The following KBTBD11 variants were observed in gnomAD, a reference collection of about 807,000 sequenced individuals.
The protein encoded by KBTBD11 is kelch repeat and BTB domain-containing protein 11.
For synonymous variants in KBTBD11, 747 were observed against 499.0 expected (o/e 1.50, Z -6.63); for missense variants, 1,390 against 1,001.8 (o/e 1.39, Z -5.23).
chr8:1,994,350 G>C (rs192115639), intron 1 of KBTBD11, among the ~76,000 whole-genome samples: 1 of 152,334 alleles, frequency 6.6e-6, no homozygotes, highest in Non-Finnish European at 1.5e-5. Context: ...TCTGTCTACA[G>C]GATGCAGGGG....
intron 1 of KBTBD11, among the ~76,000 whole-genome samples, chr8:1,982,780 T>C (rs1180126675): frequency 1.3e-5 from 2 of 151,690 alleles, no homozygotes; most frequent in Non-Finnish European, 2.9e-5. Context: ...TCTCACTGTG[T>C]CACCCAGGCT....
At chr8:1,996,732 G>T (rs1314974549) in intron 1 of KBTBD11, among the ~76,000 whole-genome samples, 1 of 152,094 alleles carries the variant, frequency 6.6e-6, no homozygotes, top group African/African-American at 2.4e-5. Context: ...TTCTGAATAA[G>T]TCCTAATGTC....
intron 1 of KBTBD11, among the ~76,000 whole-genome samples, chr8:1,979,212 C>T (rs186117465): frequency 6.6e-6 from 1 of 152,300 alleles, no homozygotes; most frequent in East Asian, 1.9e-4. Context: ...GCATTGCAGT[C>T]CCTCCTCCTC....
chr8:2,002,583 G>T lies in KBTBD11; in HGVS notation c.1391G>T (p.Gly464Val). 6.3e-7 allele frequency: 1 copy of T among 1,583,170 alleles called. No homozygotes were observed. Among genetic ancestry groups the T allele is most frequent in the Non-Finnish European group, 8.5e-7 (1 of 1,173,680 alleles). Residue 464 changes from glycine (G) to valine (V), a missense_variant, in exon 2 of 2, where the codon GGC becomes GTC. Physicochemically the swap from Gly to Val is moderately radical, Grantham distance 109. Transcript: ENST00000320248. The surrounding 1 kb of genome is among the most constrained non-coding windows in gnomAD (Gnocchi z 4.1). ...CACGGCGAGATCTACGTGTCCGGGG[G>T]CTCCCTCTTCTATCGCCTGCTCAAG... ...TCHGEIYVSG[G>V]SLFYRLLKYD...
chr8:1,990,071 G>C (rs1005647463), intron 1 of KBTBD11, among the ~76,000 whole-genome samples: 2 of 151,968 alleles, frequency 1.3e-5, no homozygotes, highest in Admixed American at 1.3e-4. Flanking sequence ...TCTGTGCATT[G>C]AGCATTTTTT....
At position 2,004,839 on chromosome 8, in the gene KBTBD11, C is replaced by A. The variant is rs976090884; in HGVS notation, c.*1775C>A. ...AAACAGTATTTACAGCAAAAGGAAA[C>A]AAATAATGTTCATTTTAAGCAATGT... On this transcript the variant is annotated 3_prime_UTR_variant, in exon 2 of 2. Coordinates refer to ENST00000320248, the MANE Select transcript of KBTBD11 (RefSeq NM_014867.3). 6.0e-6 allele frequency: 1 copy of A among 166,976 alleles called. No homozygotes were observed. The highest frequency in any genetic ancestry group is 1.5e-5 in the Non-Finnish European group (1 of 68,096). 10.3% of individuals were successfully genotyped at this position (166,976 alleles called of 1,614,324 possible).
At chr8:1,988,999 A>G (rs1386531559) in intron 1 of KBTBD11, among the ~76,000 whole-genome samples, 3 of 152,214 alleles carry the variant, frequency 2.0e-5, no homozygotes, top group Non-Finnish European at 2.9e-5. Context: ...CTTTGATTTC[A>G]GTTTTAAAAT....
chr8:2,001,033 T>TCA lies in KBTBD11; in HGVS notation c.-151_-150dup, dbSNP rs34006337. On this transcript the variant is annotated 5_prime_UTR_variant, in exon 2 of 2. It introduces an in-frame stop codon into an upstream open reading frame of the 5' UTR. Transcript: ENST00000320248. ...GGAGCAGCGTGTGAGATTCCCCCCT[T>TCA]CACACACACAACAACAAAGCGTGGA... is the stretch of plus-strand genomic sequence containing the variant. 4.0e-6 allele frequency: 4 copies of TCA among 998,870 alleles called. No individual in the cohort carries two copies. Among genetic ancestry groups the TCA allele is most frequent in the South Asian group, 4.9e-5 (1 of 20,530 alleles). 61.9% of individuals were successfully genotyped at this position (998,870 alleles called of 1,614,324 possible).
chr8:1,996,316 G>A (rs1817135836), intron 1 of KBTBD11, among the ~76,000 whole-genome samples: 1 of 152,158 alleles, frequency 6.6e-6, no homozygotes. Flanking sequence ...GCCCAGGCTG[G>A]AGTGCAATGG....
intron 1 of KBTBD11, among the ~76,000 whole-genome samples, chr8:1,985,101 C>G (rs931346959): frequency 5.9e-5 from 9 of 152,236 alleles, no homozygotes; most frequent in Admixed American, 2.6e-4. Flanking sequence ...TCTGTAGGAA[C>G]TCCTGTTGCC....
intron 1 of KBTBD11, among the ~76,000 whole-genome samples, chr8:1,986,077 G>C (rs1366071744): frequency 6.6e-6 from 1 of 152,202 alleles, no homozygotes; most frequent in African/African-American, 2.4e-5. Context: ...TAAAATATCA[G>C]TAACAATGAC....
rs1363556465 is a variant in KBTBD11, at chr8:2,002,746, G to A, written c.1554G>A (p.Gly518=). 1.3e-6 allele frequency: 2 copies of A among 1,495,338 alleles called. No homozygotes were observed. The highest frequency in any genetic ancestry group is 2.6e-5 in the East Asian group (1 of 37,748). The allele number at this position is 1,495,338 out of a possible 1,614,324, so 92.6% of individuals were successfully genotyped here. Reference sequence around the variant, plus strand: ...GCCGCGGCGAGGCGCAGGCGGCGGGGCCGAGCGGGGTCAGCGTGTCCCGAT... The same window carrying A: ...GCCGCGGCGAGGCGCAGGCGGCGGGACCGAGCGGGGTCAGCGTGTCCCGAT... ...SGSRGEAQAA[G]PSGVSVSRYH... is the part of the protein sequence containing the mutation. Residue 518 remains glycine (G), a synonymous_variant, in exon 2 of 2, where the codon GGG becomes GGA. Coordinates refer to ENST00000320248, the MANE Select transcript of KBTBD11 (RefSeq NM_014867.3). The surrounding 1 kb of genome is among the most constrained non-coding windows in gnomAD (Gnocchi z 4.1).
At chr8:1,984,519 C>G (rs1339388194) in intron 1 of KBTBD11, among the ~76,000 whole-genome samples, 2 of 151,948 alleles carry the variant, frequency 1.3e-5, no homozygotes, top group Non-Finnish European at 2.9e-5. Flanking sequence ...AGTTTCCTGA[C>G]CTTGCGATCC....
chr8:2,001,937 A>G lies in KBTBD11; in HGVS notation c.745A>G (p.Asn249Asp). 6.8e-7 allele frequency: 1 copy of G among 1,472,056 alleles called. No homozygotes were observed. The highest frequency in any genetic ancestry group is 9.0e-7 in the Non-Finnish European group (1 of 1,108,428). The allele number at this position is 1,472,056 out of a possible 1,614,324, so 91.2% of individuals were successfully genotyped here. A position where few individuals can be genotyped will look rare whatever the true frequency, so the allele number is the denominator to read the frequency against. The part of the protein sequence containing the change: ...VLSAAKRQRL[N>D]ELRDAAYCFM... ...GAGCGCGGCCAAGCGGCAGCGGCTG[A>G]ACGAGCTGCGCGACGCCGCCTACTG... Residue 249 changes from asparagine to aspartate, a missense_variant, in exon 2 of 2, where the codon AAC becomes GAC. Coordinates refer to ENST00000320248, the MANE Select transcript of KBTBD11 (RefSeq NM_014867.3).
chr8:2,004,116 G>A lies in KBTBD11; in HGVS notation c.*1052G>A, dbSNP rs543943690. 4 of 167,066 alleles carry A rather than the reference G, an allele frequency of 2.4e-5. No individual in the cohort carries two copies. Among genetic ancestry groups the A allele is most frequent in the African/African-American group, 4.8e-5 (2 of 41,558 alleles). 10.3% of individuals were successfully genotyped at this position (167,066 alleles called of 1,614,324 possible). Reference sequence around the variant, plus strand: ...TACAATCAGTATTCTAAGTGTGGCCGAGTGACAGTGGGCATAGATTTATAA... The same window carrying A: ...TACAATCAGTATTCTAAGTGTGGCCAAGTGACAGTGGGCATAGATTTATAA... On this transcript the variant is annotated 3_prime_UTR_variant, in exon 2 of 2. Coordinates refer to ENST00000320248, the MANE Select transcript of KBTBD11 (RefSeq NM_014867.3).
chr8:2,003,122 T>C lies in KBTBD11; in HGVS notation c.*58T>C, dbSNP rs1448253118. ...GGGGTTTGCGGGGCCCAGGTCCCTT[T>C]GGGCCCGCGGAGGAGGACGTGGTGG... On this transcript the variant is annotated 3_prime_UTR_variant, in exon 2 of 2. Transcript: ENST00000320248. 1.6e-6 allele frequency: 2 copies of C among 1,251,312 alleles called. No individual in the cohort carries two copies. The highest frequency in any genetic ancestry group is 8.5e-5 in the Admixed American group (2 of 23,614). 77.5% of individuals were successfully genotyped at this position (1,251,312 alleles called of 1,614,324 possible).
rs576700442 is a variant in KBTBD11 at position 1,988,041 on chromosome 8, G to A, written c.-908-12244G>A. On this transcript the variant is annotated intron_variant, in intron 1 of 1. Coordinates refer to ENST00000320248, the MANE Select transcript of KBTBD11 (RefSeq NM_014867.3). ...AATGATGGTTTCCAGCTTCATCCAT[G>A]TCACTGCAAAGGACATGAACTCATC... Among the ~76,000 whole-genome samples the A allele has an allele frequency of 2.0e-5, 3 of 152,236 alleles. No homozygotes were observed. The South Asian group carries it at 6.2e-4, about 32-fold the overall frequency.
In KBTBD11 at chr8:2,002,692, C is replaced by T; in HGVS notation, c.1500C>T (p.Gly500=). 6.4e-7 allele frequency: 1 copy of T among 1,555,214 alleles called. No individual in the cohort carries two copies. The highest frequency in any genetic ancestry group is 8.6e-7 in the Non-Finnish European group (1 of 1,159,630). ...CGGCCGACATGGTGGCTCTCGACGG[C>T]TTCATCTACCGCTTCGATCTGAGCG... ...ERSADMVALD[G]FIYRFDLSGS... The change falls in exon 2 of 2, where the codon GGC becomes GGT. Residue 500 remains glycine, a synonymous_variant. Transcript: ENST00000320248. The surrounding 1 kb of genome is among the most constrained non-coding windows in gnomAD (Gnocchi z 4.1).
intron 1 of KBTBD11, among the ~76,000 whole-genome samples, chr8:1,987,034 C>CCACG (rs1816728110): frequency 8.4e-6 from 1 of 118,910 alleles, no homozygotes; most frequent in Admixed American, 7.9e-5. Flanking sequence ...AAAAAAAAAA[C>CCACG]CACGCACACA....
Sources: gnomAD v4.1 joint callset for allele counts (sites outside exome capture counted in the v4.1 genomes callset) on GRCh38, gnomAD v4.1.1 for gene constraint, Gnocchi (gnomAD v3.1) non-coding constraint, MANE v1.5 for transcripts, NCBI Gene and HGNC (gene_info 2026-07-23, HGNC 2026-07-21) for gene names.